The following SHLD2 variants were observed in gnomAD, a reference collection of about 807,000 sequenced individuals.
The protein encoded by SHLD2 is shieldin complex subunit 2.
A neutral mutation model predicts 73.2 loss-of-function variants in SHLD2; 30 were observed. The observed-to-expected ratio is 0.41, with a 90% confidence interval of 0.31 to 0.56. The LOEUF (loss-of-function observed/expected upper bound fraction) is 0.56, where lower values mean the gene tolerates loss of function less well. Ranked by LOEUF, SHLD2 falls within the 20% of genes least tolerant of loss-of-function variation. The pLI, the probability that SHLD2 is intolerant of heterozygous loss-of-function variation, is 0.28. For missense variants in SHLD2, 745 were observed against 1,055.9 expected (o/e 0.71, Z 4.08); for synonymous variants, 285 against 370.1 (o/e 0.77, Z 2.64).
At chr10:87,101,163 T>C (rs1276772452) in intron 2 of SHLD2, among the ~76,000 whole-genome samples, 1 of 152,194 alleles carries the variant, frequency 6.6e-6, no homozygotes, top group African/African-American at 2.4e-5. Flanking sequence ...CATAACAAGA[T>C]TATTTCCTTA....
At chr10:87,189,488 C>T (rs998993653) in intron 9 of SHLD2, among the ~76,000 whole-genome samples, 14 of 152,078 alleles carry the variant, frequency 9.2e-5, no homozygotes, top group Non-Finnish European at 1.5e-4. Context: ...ACCATGCAGA[C>T]TATTACTAAT....
chr10:87,150,418 C>T (rs1845930922), intron 2 of SHLD2, among the ~76,000 whole-genome samples: 1 of 151,976 alleles, frequency 6.6e-6, no homozygotes, highest in African/African-American at 2.4e-5. Flanking sequence ...TGCCTCTTTT[C>T]CCATTCTTTA....
rs781148725 is a variant in SHLD2 at position 87,151,850 on chromosome 10, A to C, written c.496A>C (p.Asn166His). Reference sequence around the variant, plus strand: ...TATATGTGGTAAGAACTTTAACACAAATTTGTTTCAGTTGGGCCATAAATG... The same window carrying C: ...TATATGTGGTAAGAACTTTAACACACATTTGTTTCAGTTGGGCCATAAATG... ...PDICGKNFNTNLFQLGHKCAA... is the reference protein window; with the variant it reads ...PDICGKNFNTHLFQLGHKCAA... Residue 166 changes from asparagine to histidine, a missense_variant, in exon 3 of 10, where the codon AAT (asparagine) becomes CAT (histidine). This residue lies in a region of SHLD2 where 280 missense variants were observed against 353.9 expected (regional missense o/e 0.79). Coordinates refer to ENST00000298786, the MANE Select transcript of SHLD2 (RefSeq NM_001330112.2). 4 of 1,611,592 alleles carry C rather than the reference A, an allele frequency of 2.5e-6. No individual in the cohort carries two copies. The highest frequency in any genetic ancestry group is 2.7e-5 in the African/African-American group (2 of 74,834).
rs184722375 is a variant in SHLD2, at chr10:87,170,354, G to T, written c.1634-124G>T. On this transcript the variant is annotated intron_variant, in intron 4 of 9. Coordinates refer to ENST00000298786, the MANE Select transcript of SHLD2 (RefSeq NM_001330112.2). ...AGCTATTGTACATGTTTTAGAGAAAGCAAAACTATATTTTATATCTAATCA... is the reference window on the plus strand; with the variant it reads ...AGCTATTGTACATGTTTTAGAGAAATCAAAACTATATTTTATATCTAATCA... The T allele has an allele frequency of 5.7e-4, 377 of 666,344 alleles. 4 individuals carry two copies. Among genetic ancestry groups the T allele is most frequent in the Admixed American group, 1.9e-3 (53 of 28,498 alleles). 41.3% of individuals were successfully genotyped at this position (666,344 alleles called of 1,614,324 possible). A position where few individuals can be genotyped will look rare whatever the true frequency, so the allele number is the denominator to read the frequency against.
chr10:87,096,390 T>C (rs1447725122), intron 1 of SHLD2, among the ~76,000 whole-genome samples: 1 of 152,164 alleles, frequency 6.6e-6, no homozygotes, highest in Non-Finnish European at 1.5e-5. Flanking sequence ...GGTTCAGTTA[T>C]GTATTTATAC....
At chr10:87,104,025 G>A (rs1365891562) in intron 2 of SHLD2, among the ~76,000 whole-genome samples, 1 of 151,954 alleles carries the variant, frequency 6.6e-6, no homozygotes, top group Non-Finnish European at 1.5e-5. Flanking sequence ...CTTGAGGTCA[G>A]GAGTTCAAGA....
At chr10:87,139,228 C>A (rs559527984) in intron 2 of SHLD2, among the ~76,000 whole-genome samples, 5 of 151,914 alleles carry the variant, frequency 3.3e-5, no homozygotes, top group Admixed American at 3.3e-4. Context: ...GTTAAATTAG[C>A]TATAGACTAA....
At chr10:87,181,121 A>G (rs9420463) in intron 8 of SHLD2, among the ~76,000 whole-genome samples, 1 of 150,002 alleles carries the variant, frequency 6.7e-6, no homozygotes, top group Non-Finnish European at 1.5e-5. Context: ...TGGCTCACGC[A>G]TGTAATCCCA....
chr10:87,120,061 T>G (rs1843500538), intron 2 of SHLD2, among the ~76,000 whole-genome samples: 1 of 151,868 alleles, frequency 6.6e-6, no homozygotes, highest in African/African-American at 2.4e-5. Flanking sequence ...TGCCCCCTAG[T>G]AAGCACTAGT....
intron 2 of SHLD2, among the ~76,000 whole-genome samples, chr10:87,127,539 ACC>A (rs1491051616): frequency 2.8e-5 from 1 of 36,100 alleles, no homozygotes; most frequent in Non-Finnish European, 4.6e-5. Context: ...GCCCCCCCCC[ACC>A]CCGTCTGCCA....
At chr10:87,129,719 C>G (rs1844291682) in intron 2 of SHLD2, among the ~76,000 whole-genome samples, 1 of 151,846 alleles carries the variant, frequency 6.6e-6, no homozygotes. Context: ...TGCTCAGGCT[C>G]AAGCGATCCT....
rs1846563722 is a variant in SHLD2 at position 87,158,096 on chromosome 10, C to T, written c.1574C>T (p.Ser525Leu). ...DQWIGETVLQ[S>L]TFSSQLLNLG... The stretch of plus-strand genomic sequence containing the variant: ...TGGATTGGCGAGACAGTACTACAAT[C>T]AACATTTAGCAGTCAGTTATTAAAT... Residue 525 changes from serine to leucine, a missense_variant, in exon 4 of 10, where the codon TCA becomes TTA. This residue lies in a region of SHLD2 where 418 missense variants were observed against 567.8 expected (regional missense o/e 0.74). Transcript: ENST00000298786. 1 of 1,611,372 alleles carries T rather than the reference C, an allele frequency of 6.2e-7. No homozygotes were observed. The highest frequency in any genetic ancestry group is 1.1e-5 in the South Asian group (1 of 90,948).
At chr10:87,138,788 T>C (rs930233539) in intron 2 of SHLD2, among the ~76,000 whole-genome samples, 14 of 152,050 alleles carry the variant, frequency 9.2e-5, no homozygotes, top group African/African-American at 3.4e-4. Context: ...AGGACAAAAA[T>C]ACATGAAACA....
intron 2 of SHLD2, among the ~76,000 whole-genome samples, chr10:87,141,860 G>A (rs1354605536): frequency 1.3e-5 from 2 of 151,944 alleles, no homozygotes; most frequent in East Asian, 1.9e-4. Flanking sequence ...GCGAAACCCC[G>A]TCTCTACTAA....
At chr10:87,166,950 AGTGTGTGTGTGTGTGT>A (rs10602407) in intron 4 of SHLD2, among the ~76,000 whole-genome samples, 4 of 126,164 alleles carry the variant, frequency 3.2e-5, no homozygotes, top group African/African-American at 1.1e-4. Context: ...CATTTTGGAA[AGTGTGTGTGTGTGTGT>A]GTGTGTGTGT....
intron 2 of SHLD2, among the ~76,000 whole-genome samples, chr10:87,099,050 C>T (rs1349825735): frequency 6.6e-6 from 1 of 152,176 alleles, no homozygotes; most frequent in Non-Finnish European, 1.5e-5. Flanking sequence ...TGCTGGGATT[C>T]CAAGTGTGAG....
intron 2 of SHLD2, chr10:87,115,600 G>T (rs1483559270): frequency 1.3e-5 from 2 of 152,054 alleles, no homozygotes; most frequent in Non-Finnish European, 2.9e-5. Context: ...AAAACGTTCA[G>T]ATTGTCATGG....
At chr10:87,132,259 G>A (rs765208253) in intron 2 of SHLD2, among the ~76,000 whole-genome samples, 6 of 151,972 alleles carry the variant, frequency 3.9e-5, no homozygotes, top group Non-Finnish European at 8.8e-5. Flanking sequence ...TTATTTACCA[G>A]GTTATTTGGA....
chr10:87,180,301 T>C lies in SHLD2; in HGVS notation c.2397T>C (p.Tyr799=), dbSNP rs780285375. Residue 799 remains tyrosine, a splice_region_variant and synonymous_variant, in exon 8 of 10, where the codon TAT becomes TAC. Transcript: ENST00000298786. The part of the protein sequence containing the change: ...CLPFTMKKIY[Y]RPALMTAIDG... ...CATTTACTATGAAGAAAATATATTA[T>C]AGGTAAGGCAACTAAGCAAGCCAAT... 1.9e-6 allele frequency: 3 copies of C among 1,602,548 alleles called. No individual in the cohort carries two copies. The highest frequency in any genetic ancestry group is 1.7e-6 in the Non-Finnish European group (2 of 1,173,178).
Sources: gnomAD v4.1 joint callset for allele counts (sites outside exome capture counted in the v4.1 genomes callset) on GRCh38, gnomAD v4.1.1 for gene constraint, gnomAD v4.1.1 regional missense constraint, MANE v1.5 for transcripts, NCBI Gene and HGNC (gene_info 2026-07-23, HGNC 2026-07-21) for gene names.